The following SCAF4 variants were observed in gnomAD, a reference collection of about 807,000 sequenced individuals.
SCAF4 encodes SR-related and CTD-associated factor 4.
In SCAF4, 25 loss-of-function variants were observed where a neutral mutation model predicts 129.8. The observed-to-expected ratio is 0.19, with a 90% CI of 0.14 to 0.27. The LOEUF (loss-of-function observed/expected upper bound fraction) is 0.27, where lower values mean the gene tolerates loss of function less well. Among genes scored for constraint, SCAF4 ranks in the 10% least tolerant of loss-of-function variants. SCAF4 has a pLI of 1.00. For synonymous variants in SCAF4, 551 were observed against 497.7 expected (o/e 1.11, Z -1.43); for missense variants, 1,246 against 1,457.1 (o/e 0.86, Z 2.36).
intron 19 of SCAF4, among the ~76,000 whole-genome samples, chr21:31,683,469 C>T (rs1438287412): frequency 2.0e-5 from 3 of 152,220 alleles, no homozygotes; most frequent in East Asian, 1.9e-4. Flanking sequence ...ACTTACTACG[C>T]TTCACAGTTG....
In SCAF4 at chr21:31,696,314, T is replaced by C. The variant is rs2050384303; in HGVS notation, c.960-93A>G. The C allele has an allele frequency of 4.2e-6, 4 of 942,076 alleles. No individual in the cohort carries two copies. In the East Asian group the frequency reaches 9.7e-5, roughly 23 times the overall value. The allele number at this position is 942,076 out of a possible 1,614,324, so 58.4% of individuals were successfully genotyped here. On this transcript the variant is annotated intron_variant, in intron 8 of 19. Coordinates refer to ENST00000286835, the MANE Select transcript of SCAF4 (RefSeq NM_020706.2). The stretch of plus-strand genomic sequence containing the variant: ...GAAACAGAGTGTTGTTCATGAGTCA[T>C]TAACATTTTACTGAACCATATATTT...
At chr21:31,727,245 A>AT (rs1568870766) in intron 1 of SCAF4, among the ~76,000 whole-genome samples, 1 of 151,882 alleles carries the variant, frequency 6.6e-6, no homozygotes, top group African/African-American at 2.4e-5. Flanking sequence ...GGCCCAGCTA[A>AT]TTTTTTGTAT....
Position 31,685,113 on chromosome 21 carries a change from G to C in SCAF4, c.2424C>G (p.Ala808=). The change falls in exon 19 of 20, where the codon GCC becomes GCG. Residue 808 remains alanine (A), a synonymous_variant. Coordinates refer to ENST00000286835, the MANE Select transcript of SCAF4 (RefSeq NM_020706.2). ...SGDSVKMYGS[A]VPPAAPTNLP... ...GATTCGTGGGTGCAGCAGGTGGCAC[G>C]GCAGAGCCATACATTTTCACGCTGT... The C allele has an allele frequency of 1.2e-6, 2 of 1,613,052 alleles. No individual in the cohort carries two copies. The highest frequency in any genetic ancestry group is 1.7e-6 in the Non-Finnish European group (2 of 1,179,724).
chr21:31,719,383 T>A (rs1019436516), intron 1 of SCAF4, among the ~76,000 whole-genome samples: 6 of 152,218 alleles, frequency 3.9e-5, no homozygotes, highest in Non-Finnish European at 8.8e-5. Flanking sequence ...CACTCTTTAA[T>A]TGTACCATCG....
chr21:31,692,420 G>A lies in SCAF4; in HGVS notation c.1543C>T (p.Leu515=), dbSNP rs773425818. Residue 515 remains leucine (L), a synonymous_variant, in exon 13 of 20, where the codon CTG becomes TTG. Transcript: ENST00000286835. ...VCSTTLWVGQ[L]DKRTTQQDVA... is the part of the protein sequence containing the mutation. ...TCCTGCTGAGTAGTTCTTTTGTCCAGCTGCCCCACCCAGAGGGTAGTACTG... is the reference window on the plus strand; with the variant it reads ...TCCTGCTGAGTAGTTCTTTTGTCCAACTGCCCCACCCAGAGGGTAGTACTG... 2 of 1,613,830 alleles carry A rather than the reference G, an allele frequency of 1.2e-6. No homozygotes were observed. The highest frequency in any genetic ancestry group is 1.7e-6 in the Non-Finnish European group (2 of 1,179,822).
chr21:31,707,164 C>T (rs1458574013), intron 1 of SCAF4, among the ~76,000 whole-genome samples: 1 of 151,988 alleles, frequency 6.6e-6, no homozygotes, highest in East Asian at 1.9e-4. Flanking sequence ...GGGGGGGTTA[C>T]TTTTTATATC....
At chr21:31,713,520 T>C (rs1429679962) in intron 1 of SCAF4, among the ~76,000 whole-genome samples, 1 of 152,224 alleles carries the variant, frequency 6.6e-6, no homozygotes, top group East Asian at 1.9e-4. Flanking sequence ...ATCCTGGAGT[T>C]AATCCAGAGC....
intron 5 of SCAF4, 58 bp from the exon 6 acceptor site, chr21:31,701,976 AT>A (rs2050544515): frequency 1.3e-6 from 2 of 1,574,318 alleles, no homozygotes; most frequent in Non-Finnish European, 1.7e-6. Context: ...AGTTTTCCTA[AT>A]TAAGCTTCTT....
rs1216229212 is a variant in SCAF4, at chr21:31,693,426, G to A, written c.1381C>T (p.Arg461Cys). Residue 461 changes from arginine to cysteine, a missense_variant, in exon 12 of 20, where the codon CGT becomes TGT. Around this residue, in one of 6 missense-constraint regions of SCAF4, gnomAD observed 468 missense variants for 605.5 expected, o/e 0.77. Coordinates refer to ENST00000286835, the MANE Select transcript of SCAF4 (RefSeq NM_020706.2). ...CTATCCCTGGACCGAGATCGAGAAC[G>A]TCGATGCCGAGACCTTCGAGATCTA... The part of the protein sequence containing the change: ...GSRSRRSRHR[R>C]SRSRSRDRRR... 3 of 1,561,890 alleles carry A rather than the reference G, an allele frequency of 1.9e-6. No homozygotes were observed. The highest frequency in any genetic ancestry group is 2.7e-5 in the African/African-American group (2 of 73,552).
chr21:31,706,559 G>A, intron 1 of SCAF4: 2 of 549,320 alleles, frequency 3.6e-6, no homozygotes, highest in South Asian at 2.4e-5. Flanking sequence ...TGATACCCAA[G>A]AAGAAGGTTA....
chr21:31,705,180 G>C (rs1849454734), intron 3 of SCAF4, among the ~76,000 whole-genome samples: 2 of 152,178 alleles, frequency 1.3e-5, no homozygotes, highest in African/African-American at 4.8e-5. Context: ...TTCAGGTTTA[G>C]GGAAGGGTCA....
chr21:31,707,893 TAAC>T (rs1256391272), intron 1 of SCAF4, among the ~76,000 whole-genome samples: 1 of 152,134 alleles, frequency 6.6e-6, no homozygotes, highest in African/African-American at 2.4e-5. Flanking sequence ...AAAAACCAGA[TAAC>T]TACTTAAGCA....
At chr21:31,690,031 C>G (rs1044490375) in intron 15 of SCAF4, among the ~76,000 whole-genome samples, 33 of 152,292 alleles carry the variant, frequency 2.2e-4, no homozygotes, top group African/African-American at 6.5e-4. Context: ...CATGCCCATG[C>G]ATTCTGTGAT....
At chr21:31,726,336 C>T (rs1424319671) in intron 1 of SCAF4, among the ~76,000 whole-genome samples, 3 of 152,218 alleles carry the variant, frequency 2.0e-5, no homozygotes, top group South Asian at 2.1e-4. Flanking sequence ...TGAGCCACCA[C>T]GCCTGGCGGT....
At chr21:31,700,105 T>TG (rs1278240132) in intron 7 of SCAF4, among the ~76,000 whole-genome samples, 1 of 151,876 alleles carries the variant, frequency 6.6e-6, no homozygotes, top group African/African-American at 2.4e-5. Flanking sequence ...GGGCTACAGG[T>TG]GCACACCACC....
intron 1 of SCAF4, among the ~76,000 whole-genome samples, chr21:31,723,655 G>C (rs1035230242): frequency 2.7e-5 from 4 of 148,954 alleles, no homozygotes; most frequent in Non-Finnish European, 4.4e-5. Context: ...CGCACATACA[G>C]TTCAAGTTTT....
chr21:31,719,071 G>A (rs189662395), intron 1 of SCAF4, among the ~76,000 whole-genome samples: 49 of 152,170 alleles, frequency 3.2e-4, no homozygotes, highest in African/African-American at 1.0e-3. Flanking sequence ...TAGACAGATC[G>A]CCTGAGGTCA....
chr21:31,706,584 G>A (rs1054772725), intron 1 of SCAF4: 12 of 506,944 alleles, frequency 2.4e-5, no homozygotes, highest in Non-Finnish European at 3.8e-5. Context: ...TGCCAAAGGG[G>A]TGGCGAAGGG....
At chr21:31,686,936 C>T (rs1246028150) in intron 16 of SCAF4, among the ~76,000 whole-genome samples, 1 of 152,180 alleles carries the variant, frequency 6.6e-6, no homozygotes, top group Non-Finnish European at 1.5e-5. Context: ...GGTTGGAGAC[C>T]ACTATCTGAA....
Sources: allele counts gnomAD v4.1 joint callset (sites outside exome capture counted in the v4.1 genomes callset), GRCh38; gene constraint gnomAD v4.1.1; regional missense constraint gnomAD v4.1.1; transcripts MANE v1.5; gene names NCBI Gene and HGNC (gene_info 2026-07-23, HGNC 2026-07-21).